The following PCARE variants were observed in gnomAD, a reference collection of about 807,000 sequenced individuals.
The protein encoded by PCARE is photoreceptor cilium actin regulator.
PCARE carries 72 observed loss-of-function variants against 82.2 expected under a neutral mutation model. That is an observed-to-expected ratio of 0.88 (90% confidence interval 0.72 to 1.07). The LOEUF (loss-of-function observed/expected upper bound fraction) is 1.07. Ranked by LOEUF, PCARE falls within the 50% of genes least tolerant of loss-of-function variation. The pLI is 0.00. For missense variants in PCARE, 1,768 were observed against 1,592.4 expected (o/e 1.11, Z -1.88); for synonymous variants, 705 against 634.8 (o/e 1.11, Z -1.66).
In PCARE at chr2:29,071,190, A is replaced by G. The variant is rs1667472015; in HGVS notation, c.3072T>C (p.Ser1024=). 1.9e-6 allele frequency: 3 copies of G among 1,597,334 alleles called. No homozygotes were observed. In the African/African-American group the frequency reaches 4.0e-5, roughly 21 times the overall value. Residue 1024 remains serine, a synonymous_variant, in exon 1 of 2, where the codon TCT becomes TCC. Coordinates refer to ENST00000331664, the MANE Select transcript of PCARE (RefSeq NM_001029883.3). ...GTGGGCTGGGGGGCGTCTGCACAGC[A>G]GAGGGGCTTGGCTGGGCAGGTCTGT... ...SSYRPAQPSP[S]AVQTPPSPPV...
In PCARE at chr2:29,072,206, G is replaced by A. The variant is rs1667502644; in HGVS notation, c.2056C>T (p.Gln686Ter). The A allele has an allele frequency of 3.1e-6, 5 of 1,614,088 alleles. No individual in the cohort carries two copies. The highest frequency in any genetic ancestry group is 4.2e-6 in the Non-Finnish European group (5 of 1,180,048). Reference protein sequence around the residue: ...ILPSQDKSILQKCNPHPEDEQ... With the variant: ...ILPSQDKSIL The stretch of plus-strand genomic sequence containing the variant: ...TCCTCAGGATGGGGATTGCATTTCT[G>A]CAAGATGCTCTTGTCCTGACTAGGC... The change falls in exon 1 of 2, where the codon CAG (glutamine) becomes TAG (stop). Residue 686 changes from glutamine to a stop codon, truncating the protein, a stop_gained. Transcript: ENST00000331664. LOFTEE classifies it high-confidence loss of function.
Position 29,072,823 on chromosome 2 carries a change from G to A in PCARE, c.1439C>T (p.Ser480Phe). Residue 480 changes from serine to phenylalanine, a missense_variant, in exon 1 of 2, where the codon TCT becomes TTT. Transcript: ENST00000331664. ...GCTGCTGTCCTCGCTGTCACTAAGAGATGAAGCGTCCATCGGCCTGGAGGT... is the reference window on the plus strand; with the variant it reads ...GCTGCTGTCCTCGCTGTCACTAAGAAATGAAGCGTCCATCGGCCTGGAGGT... ...SKTSRPMDAS[S>F]LSDSEDSSPE... The A allele has an allele frequency of 6.2e-7, 1 of 1,614,186 alleles. No homozygotes were observed. The highest frequency in any genetic ancestry group is 8.5e-7 in the Non-Finnish European group (1 of 1,180,028).
intron 1 of PCARE, among the ~76,000 whole-genome samples, chr2:29,066,784 G>A (rs1323785200): frequency 6.6e-6 from 1 of 152,160 alleles, no homozygotes; most frequent in Non-Finnish European, 1.5e-5. Context: ...ATCTGATCCA[G>A]GAGACTGAGT....
At position 29,073,725 on chromosome 2, in the gene PCARE, A is replaced by G. The variant is rs201965800; in HGVS notation, c.537T>C (p.Pro179=). 246 of 1,614,026 alleles carry G rather than the reference A, an allele frequency of 1.5e-4. No homozygotes were observed. The Middle Eastern group carries it at 1.6e-3, about 11-fold the overall frequency. ...AAGCCTGCTGGTGGGCCTTTACCAGAGGCTCCGGGAAGTCCACTTTGCCTT... is the reference window on the plus strand; with the variant it reads ...AAGCCTGCTGGTGGGCCTTTACCAGGGGCTCCGGGAAGTCCACTTTGCCTT... ...EPEGKVDFPE[P]LVKAHQQAYT... The change falls in exon 1 of 2, where the codon CCT becomes CCC. Residue 179 remains proline (P), a synonymous_variant. Coordinates refer to ENST00000331664, the MANE Select transcript of PCARE (RefSeq NM_001029883.3).
chr2:29,071,733 G>A lies in PCARE; in HGVS notation c.2529C>T (p.Phe843=), dbSNP rs530658239. 1.8e-5 allele frequency: 29 copies of A among 1,613,844 alleles called. No homozygotes were observed. The highest frequency in any genetic ancestry group is 5.3e-5 in the African/African-American group (4 of 75,042). ...TGCTTTCTGGGGACTCCAGAGAAGC[G>A]AATGATTTGTCCATCAGAACTTCCA... ...PPMEVLMDKS[F]ASLESPESSK... is the part of the protein sequence containing the mutation. Residue 843 remains phenylalanine (F), a synonymous_variant, in exon 1 of 2, where the codon TTC becomes TTT. Transcript: ENST00000331664.
At position 29,065,069 on chromosome 2, in the gene PCARE, T is replaced by C; in HGVS notation, c.3669-2A>G. On this transcript the variant is annotated splice_acceptor_variant, in intron 1 of 1. Coordinates refer to ENST00000331664, the MANE Select transcript of PCARE (RefSeq NM_001029883.3). LOFTEE classifies it high-confidence loss of function. ...TTCTTAGGGCTCTCCTCGCTGCTGC[T>C]GCCGAGAGAAAGGACAAGTGCAGGT... The C allele has an allele frequency of 1.3e-6, 2 of 1,550,244 alleles. No individual in the cohort carries two copies. Among genetic ancestry groups the C allele is most frequent in the Non-Finnish European group, 1.7e-6 (2 of 1,146,924 alleles).
At chr2:29,066,166 TA>T (rs1667386855) in intron 1 of PCARE, among the ~76,000 whole-genome samples, 1 of 151,802 alleles carries the variant, frequency 6.6e-6, no homozygotes, top group Admixed American at 6.6e-5. Context: ...AAATAAAAAT[TA>T]AAAAAGGAAG....
chr2:29,071,229 G>T lies in PCARE; in HGVS notation c.3033C>A (p.Ser1011Arg), dbSNP rs1471434946. Reference sequence around the variant, plus strand: ...GGGCAGGTCTGTAAGAGGAGGGAAGGCTCCGGCGCCTCTTGTCTGCTTGAG... The same window carrying T: ...GGGCAGGTCTGTAAGAGGAGGGAAGTCTCCGGCGCCTCTTGTCTGCTTGAG... ...WVPQADKRRR[S>R]LPSSYRPAQP... is the part of the protein sequence containing the mutation. The change falls in exon 1 of 2, where the codon AGC becomes AGA. Residue 1011 changes from serine (S) to arginine (R), a missense_variant. Physicochemically the swap from Ser to Arg is moderately radical, Grantham distance 110. Coordinates refer to ENST00000331664, the MANE Select transcript of PCARE (RefSeq NM_001029883.3). 1.2e-6 allele frequency: 2 copies of T among 1,610,676 alleles called. No individual in the cohort carries two copies.
At position 29,073,116 on chromosome 2, in the gene PCARE, C is replaced by G; in HGVS notation, c.1146G>C (p.Ser382=). The change falls in exon 1 of 2, where the codon TCG becomes TCC. Residue 382 remains serine (S), a synonymous_variant. Transcript: ENST00000331664. ...DLAPEPEEWK[S]VTSPHTEARQ... ...TGGCCTCTGTGTGGGGTGAAGTCAC[C>G]GACTTCCATTCTTCGGGCTCTGGTG... The G allele has an allele frequency of 6.2e-7, 1 of 1,614,128 alleles. No homozygotes were observed. The highest frequency in any genetic ancestry group is 8.5e-7 in the Non-Finnish European group (1 of 1,180,006).
At position 29,073,423 on chromosome 2, in the gene PCARE, A is replaced by G; in HGVS notation, c.839T>C (p.Val280Ala). ...LLQYTVSKLQVLNGTVASLTG... is the reference protein window; with the variant it reads ...LLQYTVSKLQALNGTVASLTG... ...GAGCGAGGCCACTGTGCCATTGAGC[A>G]CCTGCAGCTTGCTGACTGTGTACTG... Residue 280 changes from valine (V) to alanine (A), a missense_variant, in exon 1 of 2, where the codon GTG becomes GCG. Coordinates refer to ENST00000331664, the MANE Select transcript of PCARE (RefSeq NM_001029883.3). 1 of 1,614,020 alleles carries G rather than the reference A, an allele frequency of 6.2e-7. No homozygotes were observed. The highest frequency in any genetic ancestry group is 8.5e-7 in the Non-Finnish European group (1 of 1,180,014).
chr2:29,068,341 A>G (rs544036736), intron 1 of PCARE, among the ~76,000 whole-genome samples: 1 of 152,340 alleles, frequency 6.6e-6, no homozygotes, highest in African/African-American at 2.4e-5. Context: ...TTGACTGCCG[A>G]GTACTTTGTA....
At chr2:29,069,397 C>T in intron 1 of PCARE, among the ~76,000 whole-genome samples, 1 of 152,158 alleles carries the variant, frequency 6.6e-6, no homozygotes, top group East Asian at 1.9e-4. Context: ...CTTTTGCAGG[C>T]ACATGGATGG....
In PCARE at chr2:29,071,770, G is replaced by A. The variant is rs565663232; in HGVS notation, c.2492C>T (p.Pro831Leu). 1.1e-5 allele frequency: 18 copies of A among 1,613,636 alleles called. No homozygotes were observed. Among genetic ancestry groups the A allele is most frequent in the Middle Eastern group, 1.7e-4 (1 of 6,058 alleles). Residue 831 changes from proline to leucine, a missense_variant, in exon 1 of 2, where the codon CCT (proline) becomes CTT (leucine). Physicochemically the swap from Pro to Leu is moderately conservative, Grantham distance 98. Coordinates refer to ENST00000331664, the MANE Select transcript of PCARE (RefSeq NM_001029883.3). ...CEMEGNLEHLPPPPMEVLMDK... is the reference protein window; with the variant it reads ...CEMEGNLEHLLPPPMEVLMDK... Reference sequence around the variant, plus strand: ...CATCAGAACTTCCATAGGCGGTGGAGGGAGGTGCTCGAGGTTCCCCTCCAT... The same window carrying A: ...CATCAGAACTTCCATAGGCGGTGGAAGGAGGTGCTCGAGGTTCCCCTCCAT...
chr2:29,073,254 G>A lies in PCARE; in HGVS notation c.1008C>T (p.Gly336=), dbSNP rs200110979. 3.0e-5 allele frequency: 48 copies of A among 1,613,520 alleles called. No individual in the cohort carries two copies. The highest frequency in any genetic ancestry group is 1.3e-4 in the African/African-American group (10 of 75,042). ...AGGGGAGACCCTGCACCCCAGGGTC[G>A]CCACAGCCACTCGCCAGGCTCTCTA... The part of the protein sequence containing the change: ...RQLESLASGC[G]DPGVQGLPLC... Residue 336 remains glycine (G), a synonymous_variant, in exon 1 of 2, where the codon GGC becomes GGT. Coordinates refer to ENST00000331664, the MANE Select transcript of PCARE (RefSeq NM_001029883.3).
Position 29,062,055 on chromosome 2 carries a change from A to T in PCARE, c.*2814T>A, listed in dbSNP as rs1486019259. On this transcript the variant is annotated 3_prime_UTR_variant, in exon 2 of 2. Transcript: ENST00000331664. ...TCTGGTAGTTGGTATGGTAGCCAAA[A>T]ACACATCTTTGACCCGCCTGCTCCT... 1.3e-5 allele frequency: 2 copies of T among 152,196 alleles called. No homozygotes were observed. The highest frequency in any genetic ancestry group is 4.8e-5 in the African/African-American group (2 of 41,436). The allele number at this position is 152,196 out of a possible 1,614,324, so 9.4% of individuals were successfully genotyped here. A position where few individuals can be genotyped will look rare whatever the true frequency, so the allele number is the denominator to read the frequency against.
Position 29,071,633 on chromosome 2 carries a change from A to T in PCARE, c.2629T>A (p.Trp877Arg). 6.2e-7 allele frequency: 1 copy of T among 1,613,700 alleles called. No homozygotes were observed. The highest frequency in any genetic ancestry group is 8.5e-7 in the Non-Finnish European group (1 of 1,179,852). Residue 877 changes from tryptophan (W) to arginine (R), a missense_variant, in exon 1 of 2, where the codon TGG (tryptophan) becomes AGG (arginine). Physicochemically the swap from Trp to Arg is moderately radical, Grantham distance 101 (BLOSUM62 -3). Transcript: ENST00000331664. ...PGEAGPTRRT[W>R]ASPKLRASVS... ...GAGGCCCTCAGCTTTGGGGAAGCCC[A>T]TGTTCTCCTGGTGGGGCCAGCCTCT...
Position 29,072,982 on chromosome 2 carries a change from T to A in PCARE, c.1280A>T (p.Gln427Leu), listed in dbSNP as rs1295625978. Residue 427 changes from glutamine (Q) to leucine (L), a missense_variant, in exon 1 of 2, where the codon CAG (glutamine) becomes CTG (leucine). By Grantham distance (113) the Gln-to-Leu change is moderately radical. Coordinates refer to ENST00000331664, the MANE Select transcript of PCARE (RefSeq NM_001029883.3). ...APMAKVQPRA[Q>L]DEARSPCLSS... The stretch of plus-strand genomic sequence containing the variant: ...GAGGCATGGGCTCCTTGCTTCGTCC[T>A]GTGCTCGTGGCTGAACCTTTGCCAT... 4 of 1,614,068 alleles carry A rather than the reference T, an allele frequency of 2.5e-6. No homozygotes were observed. The highest frequency in any genetic ancestry group is 4.5e-5 in the East Asian group (2 of 44,888).
chr2:29,072,626 CCTT>C lies in PCARE; in HGVS notation c.1633_1635del (p.Lys545del), dbSNP rs777596673. The C allele has an allele frequency of 1.2e-6, 2 of 1,614,136 alleles. No homozygotes were observed. The highest frequency in any genetic ancestry group is 1.7e-6 in the Non-Finnish European group (2 of 1,180,028). On this transcript the variant is annotated inframe_deletion, in exon 1 of 2. Coordinates refer to ENST00000331664, the MANE Select transcript of PCARE (RefSeq NM_001029883.3). ...AACTTGATCCTTTCGCTGATTGACT[CCTT>C]CATCTTCAGAATCATTTCCTGGGCC...
At chr2:29,069,923 G>C (rs575662538) in intron 1 of PCARE, among the ~76,000 whole-genome samples, 1 of 152,198 alleles carries the variant, frequency 6.6e-6, no homozygotes, top group Non-Finnish European at 1.5e-5. Context: ...CTCCCAACTA[G>C]ATGCTGGTCT....
Sources: allele counts gnomAD v4.1 joint callset (sites outside exome capture counted in the v4.1 genomes callset), GRCh38; gene constraint gnomAD v4.1.1; transcripts MANE v1.5; gene names NCBI Gene and HGNC (gene_info 2026-07-23, HGNC 2026-07-21).